The following ZNF280B variants were observed in gnomAD, a reference collection of about 807,000 sequenced individuals.
The protein encoded by ZNF280B is suppressor of hairy wing homolog 2.
Under a neutral mutation model 38.0 loss-of-function variants are expected in ZNF280B, and 16 were observed. That is an observed-to-expected ratio of 0.42 (90% CI 0.28 to 0.64). The LOEUF is 0.64. Ranked by LOEUF, ZNF280B falls within the 30% of genes least tolerant of loss-of-function variation. ZNF280B has a pLI of 0.21. For synonymous variants in ZNF280B, 253 were observed against 230.6 expected (o/e 1.10, Z -0.88); for missense variants, 581 against 639.6 (o/e 0.91, Z 0.99).
At chr22:22,490,084 C>T (rs2061563264) in intron 3 of ZNF280B, among the ~76,000 whole-genome samples, 1 of 151,802 alleles carries the variant, frequency 6.6e-6, no homozygotes, top group South Asian at 2.1e-4. Context: ...CTACACATAA[C>T]CAACAAACAG....
At chr22:22,490,698 T>C (rs568945847) in intron 3 of ZNF280B, among the ~76,000 whole-genome samples, 1 of 151,860 alleles carries the variant, frequency 6.6e-6, no homozygotes, top group South Asian at 2.1e-4. Flanking sequence ...GAATTCCTTA[T>C]CTCAGGTGAT....
rs1014197112 is a variant in ZNF280B, at chr22:22,485,359, G to A, written c.*2408C>T. 3 of 151,850 alleles carry A rather than the reference G, an allele frequency of 2.0e-5. No homozygotes were observed. The highest frequency in any genetic ancestry group is 7.3e-5 in the African/African-American group (3 of 41,342). 9.4% of individuals were successfully genotyped at this position (151,850 alleles called of 1,614,324 possible). ...ATACACAGTGGGAGTATCTACCTGA[G>A]ACAAGAAAAACTGGCACACACACAC... On this transcript the variant is annotated 3_prime_UTR_variant, in exon 4 of 4. Transcript: ENST00000626650.
At chr22:22,503,985 C>T (rs1202218097) in intron 2 of ZNF280B, among the ~76,000 whole-genome samples, 1 of 151,988 alleles carries the variant, frequency 6.6e-6, no homozygotes, top group Non-Finnish European at 1.5e-5. Flanking sequence ...CAAACTTATA[C>T]AACACTAATG....
intron 2 of ZNF280B, among the ~76,000 whole-genome samples, chr22:22,504,938 T>C (rs2061904596): frequency 6.6e-6 from 1 of 151,934 alleles, no homozygotes; most frequent in Admixed American, 6.6e-5. Context: ...CCAAAGTCTT[T>C]CACTTCAGGG....
rs1392500852 is a variant in ZNF280B, at chr22:22,487,743, G to A, written c.*24C>T. 3 of 1,541,952 alleles carry A rather than the reference G, an allele frequency of 1.9e-6. No homozygotes were observed. The highest frequency in any genetic ancestry group is 2.6e-6 in the Non-Finnish European group (3 of 1,148,710). On this transcript the variant is annotated 3_prime_UTR_variant, in exon 4 of 4. Transcript: ENST00000626650. The stretch of plus-strand genomic sequence containing the variant: ...TTTTTTAATTTGGTTTGAAATACTT[G>A]CTTTAGATTTACTGAAACTAGAATT...
intron 2 of ZNF280B, among the ~76,000 whole-genome samples, chr22:22,501,776 G>A (rs1233501234): frequency 6.6e-6 from 1 of 151,730 alleles, no homozygotes; most frequent in Non-Finnish European, 1.5e-5. Context: ...TTGGGAGGCT[G>A]AGGCAGGAGG....
chr22:22,496,817 C>CTT (rs398036598), intron 2 of ZNF280B, among the ~76,000 whole-genome samples: 9 of 131,794 alleles, frequency 6.8e-5, no homozygotes, highest in African/African-American at 8.5e-5. Flanking sequence ...GGGATCTACT[C>CTT]TTTTTTTTTT....
intron 3 of ZNF280B, among the ~76,000 whole-genome samples, chr22:22,489,694 C>T (rs2061555315): frequency 6.6e-6 from 1 of 151,640 alleles, no homozygotes; most frequent in Admixed American, 6.6e-5. Context: ...AAAAAACCTA[C>T]CAGCAGCTAA....
intron 3 of ZNF280B, 71 bp downstream of exon 3, chr22:22,493,992 T>C (rs1291665382): frequency 6.7e-6 from 1 of 149,964 alleles, no homozygotes; most frequent in East Asian, 2.0e-4. Flanking sequence ...AATAATCAGG[T>C]TAAGATGTAT....
In ZNF280B at chr22:22,484,750, A is replaced by C. The variant is rs414781; in HGVS notation, c.*3017T>G. ...TAAGACAGAAGCAAAGCCCTTGATGATGATCGCTTTCCAGCTTTTTCATGA... is the reference window on the plus strand; with the variant it reads ...TAAGACAGAAGCAAAGCCCTTGATGCTGATCGCTTTCCAGCTTTTTCATGA... On this transcript the variant is annotated 3_prime_UTR_variant, in exon 4 of 4. Transcript: ENST00000626650. 22,596 of 152,078 alleles carry C rather than the reference A, an allele frequency of 0.15. 1,974 individuals are homozygous for C. Among genetic ancestry groups the C allele is most frequent in the South Asian group, 0.29 (1,408 of 4,788 alleles). 9.4% of individuals were successfully genotyped at this position (152,078 alleles called of 1,614,324 possible).
rs1176358434 is a variant in ZNF280B, at chr22:22,487,516, TCACACA to T, written c.*245_*250del. On this transcript the variant is annotated 3_prime_UTR_variant, in exon 4 of 4. Transcript: ENST00000626650. ...ATAAATTAATACCTTTTTCTCTCTC[TCACACA>T]CACACACAAACACCTTTTATGTGTT... 3.2e-5 allele frequency: 10 copies of T among 317,238 alleles called. No homozygotes were observed. The highest frequency in any genetic ancestry group is 6.6e-5 in the African/African-American group (3 of 45,434). 19.7% of individuals were successfully genotyped at this position (317,238 alleles called of 1,614,324 possible). A position where few individuals can be genotyped will look rare whatever the true frequency, so the allele number is the denominator to read the frequency against.
chr22:22,489,069 T>A lies in ZNF280B; in HGVS notation c.330A>T (p.Arg110Ser), dbSNP rs1205910164. 1.2e-6 allele frequency: 2 copies of A among 1,613,752 alleles called. No individual in the cohort carries two copies. The highest frequency in any genetic ancestry group is 1.7e-6 in the Non-Finnish European group (2 of 1,179,964). The change falls in exon 4 of 4, where the codon AGA (arginine) becomes AGT (serine). Residue 110 changes from arginine to serine, a missense_variant. Arg to Ser is a moderately radical substitution (Grantham distance 110). Transcript: ENST00000626650. ...CAATAATAATAGGACTATCTGTTGA[T>A]CTCGATTCAAGTTGGGAAGCTGGCA... Reference protein sequence around the residue: ...TVLPASQLESRSTDSPIIIEP... With the variant: ...TVLPASQLESSSTDSPIIIEP...
rs1048596249 is a variant in ZNF280B at position 22,484,969 on chromosome 22, G to A, written c.*2798C>T. 7 of 152,284 alleles carry A rather than the reference G, an allele frequency of 4.6e-5. No homozygotes were observed. Among genetic ancestry groups the A allele is most frequent in the African/African-American group, 7.3e-5 (3 of 41,348 alleles). 9.4% of individuals were successfully genotyped at this position (152,284 alleles called of 1,614,324 possible). On this transcript the variant is annotated 3_prime_UTR_variant, in exon 4 of 4. Transcript: ENST00000626650. ...TTAAGTGAGGTAGCAAGCCATGCAGGCCTAGGGGAAGGGCATTCTAAGAAA... is the reference window on the plus strand; with the variant it reads ...TTAAGTGAGGTAGCAAGCCATGCAGACCTAGGGGAAGGGCATTCTAAGAAA...
rs563097769 is a variant in ZNF280B at position 22,499,487 on chromosome 22, G to A, written c.-186-5307C>T. On this transcript the variant is annotated intron_variant, in intron 2 of 3. Coordinates refer to ENST00000626650, the MANE Select transcript of ZNF280B (RefSeq NM_080764.4). ...TCTCCATGCTGGTCAGGCTGGTCTC[G>A]AACTCCCGACCTCAGGTGATCCGCC... is the stretch of plus-strand genomic sequence containing the variant. Among the ~76,000 whole-genome samples the A allele has an allele frequency of 6.8e-4, 103 of 150,722 alleles. No homozygotes were observed. The Middle Eastern group carries it at 0.01, about 15-fold the overall frequency.
At chr22:22,495,072 C>G (rs1423808714) in intron 2 of ZNF280B, among the ~76,000 whole-genome samples, 1 of 151,910 alleles carries the variant, frequency 6.6e-6, no homozygotes, top group South Asian at 2.1e-4. Flanking sequence ...TAACCACACA[C>G]ATACTCTTCT....
intron 2 of ZNF280B, among the ~76,000 whole-genome samples, chr22:22,497,363 T>C (rs1280192248): frequency 2.0e-5 from 3 of 149,970 alleles, no homozygotes; most frequent in Non-Finnish European, 4.4e-5. Flanking sequence ...AAACTCCATC[T>C]CTACTAAAAA....
intron 2 of ZNF280B, among the ~76,000 whole-genome samples, chr22:22,505,982 T>C (rs1196032614): frequency 1.3e-5 from 2 of 151,776 alleles, no homozygotes; most frequent in Non-Finnish European, 2.9e-5. Context: ...ATGATGGTAG[T>C]ATCAGACAGG....
intron 2 of ZNF280B, among the ~76,000 whole-genome samples, chr22:22,494,688 C>T (rs1227096573): frequency 1.3e-5 from 2 of 151,878 alleles, no homozygotes; most frequent in Admixed American, 1.3e-4. Flanking sequence ...GATAACCCAC[C>T]TTCCAGATTA....
chr22:22,497,632 G>A (rs1183591458), intron 2 of ZNF280B, among the ~76,000 whole-genome samples: 1 of 151,922 alleles, frequency 6.6e-6, no homozygotes, highest in African/African-American at 2.4e-5. Context: ...GCATAACAAA[G>A]TCAACTTATT....
Sources: allele counts gnomAD v4.1 joint callset (sites outside exome capture counted in the v4.1 genomes callset), GRCh38; gene constraint gnomAD v4.1.1; transcripts MANE v1.5; gene names NCBI Gene and HGNC (gene_info 2026-07-23, HGNC 2026-07-21).